NSD1: variants seen among roughly 807,000 people sequenced by gnomAD.
The protein encoded by NSD1 is nuclear receptor binding SET domain protein 1, also known as histone-lysine N-methyltransferase, H3 lysine-36 specific.
NSD1 carries 26 observed loss-of-function variants against 242.7 expected under a neutral mutation model. The ratio of observed to expected loss-of-function variants is 0.11; its 90% confidence interval spans 0.08 to 0.15. NSD1 has a LOEUF of 0.15. Among genes scored for constraint, NSD1 ranks in the 10% least tolerant of loss-of-function variants. The pLI is 1.00. For missense variants in NSD1, 2,495 were observed against 3,272.8 expected (o/e 0.76, Z 5.80); for synonymous variants, 1,106 against 1,178.1 (o/e 0.94, Z 1.25).
chr5:177,167,941 C>T (rs543185409), intron 2 of NSD1, among the ~76,000 whole-genome samples: 1 of 152,004 alleles, frequency 6.6e-6, no homozygotes, highest in African/African-American at 2.4e-5. Flanking sequence ...CGGAGGTGTC[C>T]GGTATTGAAT....
At chr5:177,184,754 T>C (rs904202756) in intron 2 of NSD1, among the ~76,000 whole-genome samples, 1 of 152,158 alleles carries the variant, frequency 6.6e-6, no homozygotes, top group Non-Finnish European at 1.5e-5. Context: ...AAAGTTGATC[T>C]TGAAATCCTG....
At chr5:177,187,013 G>C (rs1055098514) in intron 2 of NSD1, among the ~76,000 whole-genome samples, 1 of 151,214 alleles carries the variant, frequency 6.6e-6, no homozygotes, top group Non-Finnish European at 1.5e-5. Flanking sequence ...ACAAATTCTA[G>C]CCATATTTAT....
At position 177,238,125 on chromosome 5, in the gene NSD1, C is replaced by G; in HGVS notation, c.3922-112C>G. 8.0e-7 allele frequency: 1 copy of G among 1,251,816 alleles called. No homozygotes were observed. The allele number at this position is 1,251,816 out of a possible 1,614,324, so 77.5% of individuals were successfully genotyped here. Reference sequence around the variant, plus strand: ...ACATAATGTCTTCAAGGTTCATCCACTTTTTGTAGCCTTTGTCAGAATTTC... The same window carrying G: ...ACATAATGTCTTCAAGGTTCATCCAGTTTTTGTAGCCTTTGTCAGAATTTC... On this transcript the variant is annotated intron_variant, in intron 6 of 22. Transcript: ENST00000439151. The surrounding 1 kb of genome is among the most constrained non-coding windows in gnomAD (Gnocchi z 4.6).
intron 2 of NSD1, among the ~76,000 whole-genome samples, chr5:177,144,382 GTT>G (rs10714468): frequency 3.9e-4 from 58 of 149,110 alleles, no homozygotes; most frequent in Middle Eastern, 3.5e-3. Flanking sequence ...CTAAGTTTTT[GTT>G]TTTTTTTTTC....
chr5:177,137,221 T>G, intron 2 of NSD1: 1 of 283,072 alleles, frequency 3.5e-6, no homozygotes, highest in Non-Finnish European at 6.5e-6. Flanking sequence ...TCCTTCAGCT[T>G]TAAATATTAA....
chr5:177,198,260 A>T (rs1304587828), intron 3 of NSD1, among the ~76,000 whole-genome samples: 4 of 152,264 alleles, frequency 2.6e-5, no homozygotes, highest in East Asian at 3.9e-4. Context: ...TCCTGGCCTT[A>T]AGTGATCCTC....
intron 19 of NSD1, 149 bp from the exon 20 acceptor site, chr5:177,283,638 C>T: frequency 1.1e-6 from 1 of 893,634 alleles, no homozygotes; most frequent in South Asian, 1.4e-5. Flanking sequence ...AGGGATCACA[C>T]TTTGAGAACC....
chr5:177,267,690 A>C lies in NSD1; in HGVS notation c.5275A>C (p.Ile1759Leu). The change falls in exon 15 of 23, where the codon ATT becomes CTT. Residue 1759 changes from isoleucine to leucine, a missense_variant. This residue lies in a region of NSD1 where 25 missense variants were observed against 49.7 expected (regional missense o/e 0.50). Transcript: ENST00000439151. ...KAGKKPHYRE[I>L]VWVKVGRYRW... is the part of the protein sequence containing the mutation. The stretch of plus-strand genomic sequence containing the variant: ...AGGCAAAAAGCCACACTACAGGGAG[A>C]TTGTCTGGGTAAAAGTTGGACGATA... The C allele has an allele frequency of 6.2e-7, 1 of 1,614,030 alleles. No individual in the cohort carries two copies. The highest frequency in any genetic ancestry group is 8.5e-7 in the Non-Finnish European group (1 of 1,179,968).
chr5:177,233,163 C>A (rs1476483949), intron 5 of NSD1, among the ~76,000 whole-genome samples: 1 of 152,146 alleles, frequency 6.6e-6, no homozygotes, highest in Non-Finnish European at 1.5e-5. Flanking sequence ...TAGCCTTGAT[C>A]TTCCAGACTC....
chr5:177,254,822 T>C (rs959784122), intron 12 of NSD1, among the ~76,000 whole-genome samples: 2 of 152,184 alleles, frequency 1.3e-5, no homozygotes, highest in Non-Finnish European at 2.9e-5. Context: ...ACATGAGGTA[T>C]AGAGAAGATA....
rs1446699009 is a variant in NSD1 at position 177,298,910 on chromosome 5, G to GT, written c.*3454dup. The GT allele has an allele frequency of 4.3e-6, 1 of 233,028 alleles. No homozygotes were observed. The highest frequency in any genetic ancestry group is 8.5e-6 in the Non-Finnish European group (1 of 117,938). 14.4% of individuals were successfully genotyped at this position (233,028 alleles called of 1,614,324 possible). A position where few individuals can be genotyped will look rare whatever the true frequency, so the allele number is the denominator to read the frequency against. On this transcript the variant is annotated 3_prime_UTR_variant, in exon 23 of 23. Transcript: ENST00000439151. Reference sequence around the variant, plus strand: ...TAAATGATACTGTCATCCTCTTGGGGTTTATCAGCCAGGTTAGAGGAGCCC... The same window carrying GT: ...TAAATGATACTGTCATCCTCTTGGGGTTTTATCAGCCAGGTTAGAGGAGCCC...
At chr5:177,140,496 G>A (rs1207085037) in intron 2 of NSD1, among the ~76,000 whole-genome samples, 1 of 152,054 alleles carries the variant, frequency 6.6e-6, no homozygotes, top group Non-Finnish European at 1.5e-5. Context: ...TAGAGGCAAG[G>A]TTAGGATGTA....
intron 8 of NSD1, among the ~76,000 whole-genome samples, chr5:177,241,053 C>T (rs1048152810): frequency 6.6e-6 from 1 of 151,986 alleles, no homozygotes; most frequent in African/African-American, 2.4e-5. Flanking sequence ...TTTTGTGTGC[C>T]CCATGGACAC....
chr5:177,221,997 G>A (rs1764276179), intron 5 of NSD1, among the ~76,000 whole-genome samples: 1 of 151,996 alleles, frequency 6.6e-6, no homozygotes, highest in Admixed American at 6.6e-5. Flanking sequence ...TTTTTGTGGA[G>A]ACAGGGTTTC....
At chr5:177,246,863 C>G (rs1766340673) in intron 10 of NSD1, 67 bp downstream of exon 10, 1 of 1,095,434 alleles carries the variant, frequency 9.1e-7, no homozygotes, top group South Asian at 1.3e-5. Flanking sequence ...GAGGCCACAT[C>G]CCTCTTTCCC....
At chr5:177,284,409 C>T (rs1353451771) in intron 20 of NSD1, among the ~76,000 whole-genome samples, 3 of 152,006 alleles carry the variant, frequency 2.0e-5, no homozygotes, top group African/African-American at 7.2e-5. Flanking sequence ...TCCTGAGTAG[C>T]TAGGGCTATA....
Position 177,294,037 on chromosome 5 carries a change from T to C in NSD1, c.6669T>C (p.Pro2223=), listed in dbSNP as rs747061967. 18 of 1,613,736 alleles carry C rather than the reference T, an allele frequency of 1.1e-5. No homozygotes were observed. The highest frequency in any genetic ancestry group is 5.3e-5 in the African/African-American group (4 of 74,824). Residue 2223 remains proline (P), a synonymous_variant, in exon 23 of 23, where the codon CCT becomes CCC. Transcript: ENST00000439151. Reference sequence around the variant, plus strand: ...CTGGGGAGATCCGTGAGTATGTGCCTCCCCCAGTACCGCTGCCTCCAGGGC... The same window carrying C: ...CTGGGGAGATCCGTGAGTATGTGCCCCCCCCAGTACCGCTGCCTCCAGGGC... ...LEPGEIREYV[P]PPVPLPPGPS... is the part of the protein sequence containing the mutation.
chr5:177,182,484 T>G (rs939296382), intron 2 of NSD1, among the ~76,000 whole-genome samples: 7 of 152,084 alleles, frequency 4.6e-5, no homozygotes, highest in Admixed American at 3.9e-4. Flanking sequence ...TCAAGTACAG[T>G]GATAAAACCG....
At chr5:177,165,552 A>T (rs1279935782) in intron 2 of NSD1, among the ~76,000 whole-genome samples, 3 of 151,528 alleles carry the variant, frequency 2.0e-5, no homozygotes, top group African/African-American at 2.4e-5. Flanking sequence ...TGATTCGCAA[A>T]TTTTTTTCCC....
Sources: gnomAD v4.1 joint callset for allele counts (sites outside exome capture counted in the v4.1 genomes callset) on GRCh38, gnomAD v4.1.1 for gene constraint, gnomAD v4.1.1 regional missense constraint, Gnocchi (gnomAD v3.1) non-coding constraint, MANE v1.5 for transcripts, NCBI Gene and HGNC (gene_info 2026-07-23, HGNC 2026-07-21) for gene names.